The following DOCK10 variants were observed in gnomAD, a reference collection of about 807,000 sequenced individuals.
The protein encoded by DOCK10 is dedicator of cytokinesis 10, also known as dedicator of cytokinesis protein 10.
A neutral mutation model predicts 280.1 loss-of-function variants in DOCK10; 145 were observed. That is an observed-to-expected ratio of 0.52 (90% CI 0.45 to 0.59). The LOEUF (loss-of-function observed/expected upper bound fraction) is 0.59. Among genes scored for constraint, DOCK10 ranks in the 20% least tolerant of loss-of-function variants. The pLI is 0.00. For missense variants in DOCK10, 2,368 were observed against 2,651.7 expected, an observed-to-expected ratio of 0.89 and a Z score of 2.35; for synonymous variants, 915 against 942.2, an observed-to-expected ratio of 0.97 and a Z score of 0.53.
chr2:224,921,112 A>AAAAAAAAATATATATATATATATATATAT, intron 2 of DOCK10, among the ~76,000 whole-genome samples: 2 of 54,402 alleles, frequency 3.7e-5, no homozygotes, highest in African/African-American at 1.6e-4. Context: ...AAAAAAAAAA[A>AAAAAAAAATATATATATATATATATATAT]ATATATATAT....
Position 224,825,028 on chromosome 2 carries a change from G to A in DOCK10, c.3037-1381C>T, listed in dbSNP as rs571900475. ...GGAGTTTCGCTCTGTTGTCCAGGCTGGAGTGCAGTGGTACGATCTCAGATC... is the reference window on the plus strand; with the variant it reads ...GGAGTTTCGCTCTGTTGTCCAGGCTAGAGTGCAGTGGTACGATCTCAGATC... On this transcript the variant is annotated intron_variant, in intron 27 of 55. Coordinates refer to ENST00000258390, the MANE Select transcript of DOCK10 (RefSeq NM_014689.3). Among the ~76,000 whole-genome samples, 42 of 145,928 alleles carry A rather than the reference G, an allele frequency of 2.9e-4. No homozygotes were observed. The South Asian group carries it at 8.3e-3, about 29-fold the overall frequency.
At chr2:225,023,768 A>G (rs567433365) in intron 1 of DOCK10, among the ~76,000 whole-genome samples, 1 of 152,356 alleles carries the variant, frequency 6.6e-6, no homozygotes, top group East Asian at 1.9e-4. Flanking sequence ...ACTAAATGAT[A>G]TGAAAACAAC....
At chr2:224,975,190 T>C (rs939618958) in intron 1 of DOCK10, among the ~76,000 whole-genome samples, 3 of 152,200 alleles carry the variant, frequency 2.0e-5, no homozygotes, top group Non-Finnish European at 4.4e-5. Context: ...CGAAGATTTA[T>C]GTTGCTAATT....
chr2:224,771,359 T>G (rs1263662021), intron 53 of DOCK10, among the ~76,000 whole-genome samples: 10 of 152,240 alleles, frequency 6.6e-5, no homozygotes, highest in Admixed American at 3.3e-4. Context: ...TTTTCTTTTC[T>G]ATTAACACTC....
rs548300077 is a variant in DOCK10 at position 224,870,359 on chromosome 2, T to C, written c.1257+3637A>G. Among the ~76,000 whole-genome samples the C allele has an allele frequency of 3.9e-5, 6 of 152,360 alleles. No individual in the cohort carries two copies. In the South Asian group the frequency reaches 8.3e-4, roughly 21 times the overall value. On this transcript the variant is annotated intron_variant, in intron 11 of 55. Transcript: ENST00000258390. Reference sequence around the variant, plus strand: ...TCTTAGCAGCATGAGAACAGACTAATACAGGTATTTCCAAATGGTTTCAAG... The same window carrying C: ...TCTTAGCAGCATGAGAACAGACTAACACAGGTATTTCCAAATGGTTTCAAG...
At chr2:224,850,425 C>T (rs1427224047) in intron 18 of DOCK10, among the ~76,000 whole-genome samples, 3 of 152,150 alleles carry the variant, frequency 2.0e-5, no homozygotes, top group East Asian at 1.9e-4. Context: ...AAGGCCATAA[C>T]TCTTCAGTTA....
chr2:224,886,514 T>C lies in DOCK10; in HGVS notation c.434A>G (p.Glu145Gly), dbSNP rs773315702. Residue 145 changes from glutamate to glycine, a missense_variant, in exon 5 of 56, where the codon GAG becomes GGG. Physicochemically the swap from Glu to Gly is moderately conservative, Grantham distance 98 (BLOSUM62 -2). Coordinates refer to ENST00000258390, the MANE Select transcript of DOCK10 (RefSeq NM_014689.3). ...RQLPRAEYKP[E>G]KLPSHSFEID... ...CTCAAAGGAATGTGAAGGAAGCTTC[T>C]CTGGTTTGTATTCTGCTCTGATATT... 4 of 1,608,422 alleles carry C rather than the reference T, an allele frequency of 2.5e-6. No individual in the cohort carries two copies. The highest frequency in any genetic ancestry group is 2.5e-6 in the Non-Finnish European group (3 of 1,179,206).
intron 14 of DOCK10, among the ~76,000 whole-genome samples, chr2:224,858,669 A>G (rs979329060): frequency 1.3e-5 from 2 of 152,146 alleles, no homozygotes; most frequent in South Asian, 2.1e-4. Flanking sequence ...ATGTGTATAT[A>G]TATATATCTG....
intron 28 of DOCK10, among the ~76,000 whole-genome samples, chr2:224,821,904 G>T (rs1338448067): frequency 6.6e-6 from 1 of 151,222 alleles, no homozygotes; most frequent in Admixed American, 6.6e-5. Flanking sequence ...CTGGAAGCAA[G>T]AAAAAAGTAA....
chr2:225,025,728 T>TA (rs58197470), intron 1 of DOCK10, among the ~76,000 whole-genome samples: 129 of 151,150 alleles, frequency 8.5e-4, no homozygotes, highest in African/African-American at 1.4e-3. Flanking sequence ...GCCCTTCAGT[T>TA]AAAAAAAAAG....
At chr2:224,899,048 T>C (rs1575020269) in intron 3 of DOCK10, among the ~76,000 whole-genome samples, 1 of 152,308 alleles carries the variant, frequency 6.6e-6, no homozygotes, top group Admixed American at 6.5e-5. Flanking sequence ...CTTTTCTTTC[T>C]TTCTACCTTG....
chr2:224,929,706 A>G (rs894872298), intron 2 of DOCK10, among the ~76,000 whole-genome samples: 2 of 152,226 alleles, frequency 1.3e-5, no homozygotes, highest in African/African-American at 2.4e-5. Flanking sequence ...AAGAATGATA[A>G]AGATCAAGGA....
At chr2:224,905,283 C>T (rs1472574624) in intron 3 of DOCK10, among the ~76,000 whole-genome samples, 2 of 125,358 alleles carry the variant, frequency 1.6e-5, no homozygotes, top group Non-Finnish European at 3.0e-5. Flanking sequence ...CTCTATCGCC[C>T]AGGCCGGACT....
chr2:224,862,831 T>C (rs890393351), intron 13 of DOCK10, 85 bp from the exon 14 acceptor site: 29 of 860,240 alleles, frequency 3.4e-5, no homozygotes, highest in Non-Finnish European at 4.8e-5. Flanking sequence ...CTTTTTCATA[T>C]TATTTTATAC....
intron 3 of DOCK10, among the ~76,000 whole-genome samples, chr2:224,908,090 A>T (rs1303057117): frequency 6.6e-6 from 1 of 150,538 alleles, no homozygotes; most frequent in Admixed American, 6.6e-5. Flanking sequence ...GACACTTAGG[A>T]ACATCGTGCA....
Position 224,808,077 on chromosome 2 carries a change from T to C in DOCK10, c.3419A>G (p.Glu1140Gly), listed in dbSNP as rs1251381036. The change falls in exon 32 of 56, where the codon GAA becomes GGA. Residue 1140 changes from glutamate to glycine, a missense_variant. This residue lies in a region of DOCK10 where 1,159 missense variants were observed against 1,400.8 expected (regional missense o/e 0.83). Transcript: ENST00000258390. ...TQELHASDMP[E>G]YSVTNEFCRK... ...ACAAAATTCATTTGTGACTGAATAT[T>C]CAGGCATATCTTTGTGAGGAAGGAA... 2 of 1,610,608 alleles carry C rather than the reference T, an allele frequency of 1.2e-6. No homozygotes were observed. The highest frequency in any genetic ancestry group is 1.7e-6 in the Non-Finnish European group (2 of 1,178,006).
intron 2 of DOCK10, among the ~76,000 whole-genome samples, chr2:224,923,276 T>C (rs1344340301): frequency 2.0e-5 from 3 of 152,204 alleles, no homozygotes; most frequent in African/African-American, 4.8e-5. Context: ...TTTAGGTATA[T>C]AGTAGTGATA....
Position 224,874,767 on chromosome 2 carries a change from C to A in DOCK10, c.932-16G>T, listed in dbSNP as rs758229925. The A allele has an allele frequency of 1.2e-6, 2 of 1,605,570 alleles. No individual in the cohort carries two copies. Among genetic ancestry groups the A allele is most frequent in the Non-Finnish European group, 8.5e-7 (1 of 1,172,468 alleles). On this transcript the variant is annotated splice_polypyrimidine_tract_variant and intron_variant, in intron 8 of 55. Coordinates refer to ENST00000258390, the MANE Select transcript of DOCK10 (RefSeq NM_014689.3). ...TCCAGCGAATCTTAAAAAGATATAC[C>A]AAGTCAGGTTATTAAATATTACTCA...
At chr2:224,867,075 TACACACACACACACAC>T (rs61496329) in intron 11 of DOCK10, among the ~76,000 whole-genome samples, 2 of 144,236 alleles carry the variant, frequency 1.4e-5, no homozygotes, top group African/African-American at 5.2e-5. Flanking sequence ...AGCTAAGAAA[TACACACACACACACAC>T]ACACACACAC....
Sources: allele counts gnomAD v4.1 joint callset (sites outside exome capture counted in the v4.1 genomes callset), GRCh38; gene constraint gnomAD v4.1.1; regional missense constraint gnomAD v4.1.1; transcripts MANE v1.5; gene names NCBI Gene and HGNC (gene_info 2026-07-23, HGNC 2026-07-21).